The following SDHAF3 variants were observed in gnomAD, a reference collection of about 807,000 sequenced individuals.
SDHAF3 encodes the protein succinate dehydrogenase complex assembly factor 3.
A neutral mutation model predicts 11.5 loss-of-function variants in SDHAF3; 18 were observed. The observed-to-expected ratio is 1.56, with a 90% CI of 1.08 to 2.32. The LOEUF (loss-of-function observed/expected upper bound fraction) is 2.32, where lower values mean the gene tolerates loss of function less well. SDHAF3 is among the 30% of genes most tolerant of loss of function. SDHAF3 has a pLI of 0.00. For synonymous variants in SDHAF3, 72 were observed against 59.3 expected (o/e 1.21, Z -0.99); for missense variants, 200 against 154.4 (o/e 1.30, Z -1.57).
chr7:97,161,509 G>C (rs1007875690), intron 1 of SDHAF3, among the ~76,000 whole-genome samples: 1 of 152,096 alleles, frequency 6.6e-6, no homozygotes, highest in Non-Finnish European at 1.5e-5. Context: ...AGGTATACAC[G>C]TGCCATGGTG....
chr7:97,153,416 T>C (rs1332704239), intron 1 of SDHAF3, among the ~76,000 whole-genome samples: 1 of 152,226 alleles, frequency 6.6e-6, no homozygotes, highest in African/African-American at 2.4e-5. Context: ...AATATTTCAT[T>C]GTCTGGGTGT....
intron 1 of SDHAF3, among the ~76,000 whole-genome samples, chr7:97,143,929 T>G (rs1225729252): frequency 6.6e-6 from 1 of 152,224 alleles, no homozygotes; most frequent in East Asian, 1.9e-4. Context: ...CCATAGTGGC[T>G]GTACTGGTTT....
At chr7:97,146,438 A>G (rs1476758608) in intron 1 of SDHAF3, among the ~76,000 whole-genome samples, 1 of 152,200 alleles carries the variant, frequency 6.6e-6, no homozygotes, top group African/African-American at 2.4e-5. Flanking sequence ...AAACATTTGT[A>G]TATTTGAAGG....
chr7:97,125,387 A>G (rs1791559930), intron 1 of SDHAF3, among the ~76,000 whole-genome samples: 1 of 152,204 alleles, frequency 6.6e-6, no homozygotes, highest in Non-Finnish European at 1.5e-5. Context: ...CCCTCTAAAC[A>G]CTGCTTTAGC....
chr7:97,163,951 C>CTTT (rs57540189), intron 1 of SDHAF3, among the ~76,000 whole-genome samples: 3 of 137,596 alleles, frequency 2.2e-5, no homozygotes, highest in African/African-American at 5.3e-5. Context: ...GTTGAAAATT[C>CTTT]TTTTTTTTTT....
At chr7:97,118,865 G>T (rs1279116217) in intron 1 of SDHAF3, among the ~76,000 whole-genome samples, 1 of 152,064 alleles carries the variant, frequency 6.6e-6, no homozygotes, top group Non-Finnish European at 1.5e-5. Context: ...AATTATTGAA[G>T]CTTTTAAGAG....
intron 1 of SDHAF3, among the ~76,000 whole-genome samples, chr7:97,141,233 A>T (rs1484689213): frequency 6.6e-6 from 1 of 152,160 alleles, no homozygotes; most frequent in African/African-American, 2.4e-5. Context: ...CGGAAACTTC[A>T]TTAGCAATTT....
At chr7:97,136,719 T>G (rs932647431) in intron 1 of SDHAF3, among the ~76,000 whole-genome samples, 3 of 152,222 alleles carry the variant, frequency 2.0e-5, no homozygotes, top group Non-Finnish European at 2.9e-5. Flanking sequence ...TTGCTTTAGC[T>G]TAGTCTGTAG....
At chr7:97,167,007 C>A (rs1789515543) in intron 1 of SDHAF3, among the ~76,000 whole-genome samples, 1 of 151,074 alleles carries the variant, frequency 6.6e-6, no homozygotes, top group African/African-American at 2.4e-5. Flanking sequence ...CACTTTCTTT[C>A]TTGACAATGC....
intron 1 of SDHAF3, among the ~76,000 whole-genome samples, chr7:97,179,623 G>A (rs769545677): frequency 6.6e-5 from 10 of 151,842 alleles, no homozygotes; most frequent in Non-Finnish European, 1.0e-4. Flanking sequence ...TTATCAAGAC[G>A]GGGAGAGGGG....
intron 1 of SDHAF3, among the ~76,000 whole-genome samples, chr7:97,157,113 G>A (rs2115706711): frequency 6.6e-6 from 1 of 152,230 alleles, no homozygotes; most frequent in Admixed American, 6.5e-5. Context: ...CCTTACCCTA[G>A]TGGATTGCCT....
intron 1 of SDHAF3, among the ~76,000 whole-genome samples, chr7:97,166,481 G>C (rs1398974927): frequency 6.6e-6 from 1 of 152,172 alleles, no homozygotes; most frequent in Non-Finnish European, 1.5e-5. Flanking sequence ...TAAGATAAGG[G>C]GTTGTGGAGA....
intron 1 of SDHAF3, among the ~76,000 whole-genome samples, chr7:97,138,416 G>A (rs1788966657): frequency 6.6e-6 from 1 of 152,144 alleles, no homozygotes; most frequent in African/African-American, 2.4e-5. Context: ...ACCTGCCTTG[G>A]CCTCCCAAAG....
intron 1 of SDHAF3, among the ~76,000 whole-genome samples, chr7:97,161,089 T>C (rs2115717333): frequency 6.6e-6 from 1 of 152,278 alleles, no homozygotes; most frequent in Admixed American, 6.5e-5. Flanking sequence ...TGCAATAGCC[T>C]TTTGTGATGC....
At chr7:97,147,479 A>G (rs1020816862) in intron 1 of SDHAF3, among the ~76,000 whole-genome samples, 2 of 152,214 alleles carry the variant, frequency 1.3e-5, no homozygotes, top group Admixed American at 6.5e-5. Flanking sequence ...ACCAAAATCT[A>G]GGGAACTAGT....
Position 97,181,534 on chromosome 7 carries a change from G to A in SDHAF3, c.*319G>A, listed in dbSNP as rs1244015782. ...GCTTTTCTTTAGCTTCATCAAATAA[G>A]CATGTTGTGATAATGATAGATGTAC... On this transcript the variant is annotated 3_prime_UTR_variant, in exon 2 of 2. Transcript: ENST00000432641. The A allele has an allele frequency of 5.1e-6, 1 of 195,084 alleles. No homozygotes were observed. The highest frequency in any genetic ancestry group is 1.1e-5 in the Non-Finnish European group (1 of 94,496). 12.1% of individuals were successfully genotyped at this position (195,084 alleles called of 1,614,324 possible). A position where few individuals can be genotyped will look rare whatever the true frequency, so the allele number is the denominator to read the frequency against.
intron 1 of SDHAF3, among the ~76,000 whole-genome samples, chr7:97,142,042 C>CTT (rs71131003): frequency 0.017 from 1,076 of 61,696 alleles, 233 homozygotes; most frequent in African/African-American, 0.043. Flanking sequence ...GAATTGTTGT[C>CTT]TTTTTTTTTT....
At chr7:97,162,067 C>T (rs985609161) in intron 1 of SDHAF3, among the ~76,000 whole-genome samples, 1 of 152,178 alleles carries the variant, frequency 6.6e-6, no homozygotes, top group Non-Finnish European at 1.5e-5. Flanking sequence ...AAAAGTGTTC[C>T]TATTTCTCCA....
intron 1 of SDHAF3, among the ~76,000 whole-genome samples, chr7:97,121,399 C>A (rs559158704): frequency 6.6e-6 from 1 of 152,138 alleles, no homozygotes; most frequent in Non-Finnish European, 1.5e-5. Context: ...ATTTATTTTT[C>A]TTTTTCTGTC....
Sources: allele counts gnomAD v4.1 joint callset (sites outside exome capture counted in the v4.1 genomes callset), GRCh38; gene constraint gnomAD v4.1.1; transcripts MANE v1.5; gene names NCBI Gene and HGNC (gene_info 2026-07-23, HGNC 2026-07-21).